The following NPHS1 variants were observed in gnomAD, a reference collection of about 807,000 sequenced individuals.
NPHS1 encodes NPHS1 adhesion molecule, nephrin, also known as nephrin.
In NPHS1, 107 loss-of-function variants were observed where a neutral mutation model predicts 139.7. The ratio of observed to expected loss-of-function variants is 0.77; its 90% CI spans 0.66 to 0.90. The LOEUF is 0.90. NPHS1 is among the 40% of genes least tolerant of loss of function. The pLI is 0.00. For synonymous variants in NPHS1, 707 were observed against 706.6 expected (o/e 1.00, Z -0.01); for missense variants, 1,580 against 1,654.2 (o/e 0.96, Z 0.78).
chr19:35,840,460 G>A (rs549245572), intron 20 of NPHS1, among the ~76,000 whole-genome samples: 61 of 148,976 alleles, frequency 4.1e-4, no homozygotes, highest in Non-Finnish European at 6.8e-4. Context: ...TCAGCCTCCC[G>A]AGTAGCTGGG....
At chr19:35,836,995 CA>C (rs1187182464) in intron 22 of NPHS1, among the ~76,000 whole-genome samples, 314 of 37,588 alleles carry the variant, frequency 8.4e-3, no homozygotes, top group East Asian at 0.02. Context: ...GATTCCATTG[CA>C]AAAAAAAAAA....
chr19:35,849,500 G>A (rs1439513562), intron 6 of NPHS1, 50 bp downstream of exon 6: 1 of 1,594,192 alleles, frequency 6.3e-7, no homozygotes, highest in Admixed American at 1.7e-5. Context: ...ACACCCCCCA[G>A]TGCCTGCTCC....
intron 10 of NPHS1, 28 bp downstream of exon 10, chr19:35,848,225 G>A (rs1394310489): frequency 6.2e-7 from 1 of 1,614,018 alleles, no homozygotes; most frequent in Non-Finnish European, 8.5e-7. Flanking sequence ...AGGCTTGGGG[G>A]CATTGCTGGG....
At position 35,851,977 on chromosome 19, in the gene NPHS1, C is replaced by T. The variant is rs79692855; in HGVS notation, c.-140G>A. On this transcript the variant is annotated 5_prime_UTR_variant, in exon 1 of 29. Transcript: ENST00000378910. ...CTTTCCGTTACTCTCCTCCCTTTCT[C>T]GTTTTCCTCTTCCCCTCTTCCCTGT... 914 of 727,560 alleles carry T rather than the reference C, an allele frequency of 1.3e-3. 6 individuals are homozygous for T. In the African/African-American group the frequency reaches 0.015, roughly 12 times the overall value. The allele number at this position is 727,560 out of a possible 1,614,324, so 45.1% of individuals were successfully genotyped here. A position where few individuals can be genotyped will look rare whatever the true frequency, so the allele number is the denominator to read the frequency against.
intron 16 of NPHS1, 114 bp downstream of exon 16, chr19:35,843,989 A>G (rs1452995531): frequency 1.4e-6 from 2 of 1,424,044 alleles, no homozygotes; most frequent in East Asian, 2.3e-5. Context: ...CCAGAACGGG[A>G]GGGTTCCAGG....
rs770909581 is a variant in NPHS1 at position 35,851,341 on chromosome 19, G to A, written c.318C>T (p.Asp106=). The A allele has an allele frequency of 1.9e-5, 30 of 1,613,570 alleles. No homozygotes were observed. In the East Asian group the frequency reaches 2.5e-4, roughly 13 times the overall value. The change falls in exon 3 of 29, where the codon GAC becomes GAT. Residue 106 remains aspartate, a synonymous_variant. Coordinates refer to ENST00000378910, the MANE Select transcript of NPHS1 (RefSeq NM_004646.4). ...GGCCGACCTGGCACTCATACTCCGC[G>A]TCATCGCTGAGGTCACAGGCCTCGA... ...LHIEACDLSD[D]AEYECQVGRS... is the part of the protein sequence containing the mutation.
chr19:35,842,227 C>T lies in NPHS1; in HGVS notation c.2560G>A (p.Asp854Asn). Reference protein sequence around the residue: ...TPLTKVAAAGDSTSSATLHCR... With the variant: ...TPLTKVAAAGNSTSSATLHCR... Reference sequence around the variant, plus strand: ...TGGAGGGTGGCAGAACTGGTGCTGTCTCCAGCTGCAGCCACCTTAGTTAGG... The same window carrying T: ...TGGAGGGTGGCAGAACTGGTGCTGTTTCCAGCTGCAGCCACCTTAGTTAGG... Residue 854 changes from aspartate to asparagine, a missense_variant, in exon 19 of 29, where the codon GAC (aspartate) becomes AAC (asparagine). By Grantham distance (23) the Asp-to-Asn change is conservative. Coordinates refer to ENST00000378910, the MANE Select transcript of NPHS1 (RefSeq NM_004646.4). 6.2e-7 allele frequency: 1 copy of T among 1,613,352 alleles called. No homozygotes were observed. The highest frequency in any genetic ancestry group is 1.3e-5 in the African/African-American group (1 of 75,042).
At position 35,831,467 on chromosome 19, in the gene NPHS1, C is replaced by T; in HGVS notation, c.3311+9G>A. 4 of 1,613,860 alleles carry T rather than the reference C, an allele frequency of 2.5e-6. No individual in the cohort carries two copies. Among genetic ancestry groups the T allele is most frequent in the South Asian group, 1.1e-5 (1 of 91,078 alleles). On this transcript the variant is annotated intron_variant, in intron 25 of 28. Transcript: ENST00000378910. ...AGAGCCTTCTTTACAGAAAAATATC[C>T]CCACTTACCCTGCCTCTGTCTTCTC...
In NPHS1 at chr19:35,839,350, G is replaced by A. The variant is rs767424724; in HGVS notation, c.2996C>T (p.Thr999Met). The A allele has an allele frequency of 2.0e-5, 32 of 1,614,076 alleles. No individual in the cohort carries two copies. The highest frequency in any genetic ancestry group is 1.8e-4 in the Admixed American group (11 of 60,002). The change falls in exon 22 of 29, where the codon ACG becomes ATG. Residue 999 changes from threonine to methionine, a missense_variant. Thr to Met is a moderately conservative substitution (Grantham distance 81). Transcript: ENST00000378910. Reference protein sequence around the residue: ...DVVPPQATTFTLTGLQPSTRY... With the variant: ...DVVPPQATTFMLTGLQPSTRY... The stretch of plus-strand genomic sequence containing the variant: ...TGTAGAAGGCTGTAGACCAGTCAGC[G>A]TGAAGGTGGTGGCCTGGGGTGGTAC...
Position 35,833,757 on chromosome 19 carries a change from C to T in NPHS1, c.3166+1948G>A, listed in dbSNP as rs144381139. Among the ~76,000 whole-genome samples the T allele has an allele frequency of 3.9e-3, 595 of 152,064 alleles. 3 individuals carry two copies. The highest frequency in any genetic ancestry group is 0.013 in the African/African-American group (560 of 41,486). On this transcript the variant is annotated intron_variant, in intron 23 of 28. Transcript: ENST00000378910. ...TGTTGCCCAGGCTGCAGTGCAGTGG[C>T]GTGAGCTCGGCTCATTGAAGGCTCA...
In NPHS1 at chr19:35,846,037, A is replaced by G. The variant is rs886054351; in HGVS notation, c.1598T>C (p.Leu533Pro). ...QAKFTCKAGQ[L>P]SASTQLAVQF... ...CACCGCCAGCTGCGTGGACGCGCTG[A>G]GCTGTCCAGCCTTGCACGTGAACTT... Residue 533 changes from leucine to proline, a missense_variant, in exon 12 of 29, where the codon CTC becomes CCC. Leu to Pro is a moderately conservative substitution (Grantham distance 98). Transcript: ENST00000378910. The G allele has an allele frequency of 2.5e-6, 4 of 1,591,508 alleles. No individual in the cohort carries two copies. The highest frequency in any genetic ancestry group is 3.4e-6 in the Non-Finnish European group (4 of 1,169,420).
At position 35,845,242 on chromosome 19, in the gene NPHS1, C is replaced by T. The variant is rs1013809344; in HGVS notation, c.1930+126G>A. Reference sequence around the variant, plus strand: ...CTATGATTGCGTCACTGCATTGCAGCCTGAGCGACAAAAAATGAAAGAGAG... The same window carrying T: ...CTATGATTGCGTCACTGCATTGCAGTCTGAGCGACAAAAAATGAAAGAGAG... On this transcript the variant is annotated intron_variant, in intron 14 of 28. Transcript: ENST00000378910. This position sits in a 1 kb window ranked among gnomAD's most constrained non-coding sequence, Gnocchi z 5.5. The T allele has an allele frequency of 4.1e-5, 46 of 1,116,788 alleles. No homozygotes were observed. In the Admixed American group the frequency reaches 9.0e-4, roughly 22 times the overall value. The allele number at this position is 1,116,788 out of a possible 1,614,324, so 69.2% of individuals were successfully genotyped here. A position where few individuals can be genotyped will look rare whatever the true frequency, so the allele number is the denominator to read the frequency against.
chr19:35,834,784 G>A (rs950632378), intron 23 of NPHS1, among the ~76,000 whole-genome samples: 9 of 151,894 alleles, frequency 5.9e-5, no homozygotes, highest in East Asian at 1.9e-4. Flanking sequence ...CCAGCTACTC[G>A]GGAGGCTGAG....
At chr19:35,829,373 G>A (rs920523720) in intron 28 of NPHS1, among the ~76,000 whole-genome samples, 1 of 152,048 alleles carries the variant, frequency 6.6e-6, no homozygotes, top group Non-Finnish European at 1.5e-5. Context: ...GATTTTCTGG[G>A]AATATTTTTT....
In NPHS1 at chr19:35,842,562, A is replaced by G. The variant is rs1222560357; in HGVS notation, c.2335-12T>C. The G allele has an allele frequency of 1.2e-6, 2 of 1,613,844 alleles. No homozygotes were observed. The highest frequency in any genetic ancestry group is 1.1e-5 in the South Asian group (1 of 91,066). ...TCCTCATCTTCTCCCTGGAGGCCCAAGAGTCCAGAATTGGCCTCCCAGTCT... is the reference window on the plus strand; with the variant it reads ...TCCTCATCTTCTCCCTGGAGGCCCAGGAGTCCAGAATTGGCCTCCCAGTCT... On this transcript the variant is annotated splice_polypyrimidine_tract_variant and intron_variant, in intron 17 of 28. Coordinates refer to ENST00000378910, the MANE Select transcript of NPHS1 (RefSeq NM_004646.4).
chr19:35,839,067 T>C (rs1255927751), intron 22 of NPHS1, among the ~76,000 whole-genome samples, 170 bp downstream of exon 22: 1 of 152,224 alleles, frequency 6.6e-6, no homozygotes, highest in Non-Finnish European at 1.5e-5. Flanking sequence ...TTCATCTGCC[T>C]GAGTTTCAAT....
chr19:35,851,040 G>A lies in NPHS1; in HGVS notation c.447C>T (p.Thr149=), dbSNP rs1000712587. 3.7e-6 allele frequency: 6 copies of A among 1,614,108 alleles called. No individual in the cohort carries two copies. Among genetic ancestry groups the A allele is most frequent in the Admixed American group, 1.7e-5 (1 of 60,010 alleles). Residue 149 remains threonine, a synonymous_variant, in exon 4 of 29, where the codon ACC becomes ACT. Transcript: ENST00000378910. ...CCACGTACTCCTGCCCAGCTACCCA[G>A]GTGACCATGGTGCCTGCCTCTGGGG... ...LLTPEAGTMV[T]WVAGQEYVVN... is the part of the protein sequence containing the mutation.
chr19:35,851,554 G>T lies in NPHS1; in HGVS notation c.177C>A (p.Gly59=), dbSNP rs747108392. The T allele has an allele frequency of 1.7e-5, 28 of 1,613,862 alleles. No homozygotes were observed. Among genetic ancestry groups the T allele is most frequent in the Admixed American group, 5.0e-5 (3 of 59,998 alleles). The part of the protein sequence containing the change: ...VELRCGVSTP[G]SAVQWAKDGL... ...CATCTTTGGCCCATTGCACCGCACT[G>T]CCAGGGGTGCTGACCCCACAACGCA... Residue 59 remains glycine, a synonymous_variant, in exon 2 of 29, where the codon GGC becomes GGA. Transcript: ENST00000378910.
intron 28 of NPHS1, among the ~76,000 whole-genome samples, chr19:35,827,853 G>A (rs1384781664): frequency 6.6e-6 from 1 of 152,128 alleles, no homozygotes. Context: ...GGAGGTGGAG[G>A]TTGCAGTGAG....
Sources: gnomAD v4.1 joint callset for allele counts (sites outside exome capture counted in the v4.1 genomes callset) on GRCh38, gnomAD v4.1.1 for gene constraint, Gnocchi (gnomAD v3.1) non-coding constraint, MANE v1.5 for transcripts, NCBI Gene and HGNC (gene_info 2026-07-23, HGNC 2026-07-21) for gene names.